Variants in KIF21A observed in about 807,000 individuals in gnomAD.
KIF21A encodes kinesin family member 21A.
Under a neutral mutation model 202.9 loss-of-function variants are expected in KIF21A, and 114 were observed. The observed-to-expected ratio is 0.56, with a 90% CI of 0.48 to 0.66. KIF21A has a LOEUF of 0.66. KIF21A is among the 30% of genes least tolerant of loss of function. The probability of loss-of-function intolerance (pLI) is 0.00; values close to 1 mark genes in which losing one functional copy is unlikely to be tolerated. For synonymous variants in KIF21A, 667 were observed against 670.8 expected (o/e 0.99, Z 0.09); for missense variants, 1,677 against 1,994.9 (o/e 0.84, Z 3.04).
intron 32 of KIF21A, among the ~76,000 whole-genome samples, chr12:39,310,975 A>T (rs1943970228): frequency 6.6e-6 from 1 of 152,074 alleles, no homozygotes; most frequent in Non-Finnish European, 1.5e-5. Flanking sequence ...TGAGGATGCA[A>T]CATGTATCTC....
intron 1 of KIF21A, among the ~76,000 whole-genome samples, chr12:39,380,436 G>C (rs1206935574): frequency 6.6e-6 from 1 of 152,146 alleles, no homozygotes; most frequent in Non-Finnish European, 1.5e-5. Flanking sequence ...AATAGATTTT[G>C]GTTGTTAAAT....
In KIF21A at chr12:39,416,713, GTGTATATATGTACATATATATGTGTA is replaced by G. The variant is rs1566267565; in HGVS notation, c.44+26188_44+26213del. ...TATATATATATGTACATATATATGTGTGTATATATGTACATATATATGTGTATATATATATGTACATATATATGTGT... is the reference window on the plus strand; with the variant it reads ...TATATATATATGTACATATATATGTGTATATATATGTACATATATATGTGT... On this transcript the variant is annotated intron_variant, in intron 1 of 37. Coordinates refer to ENST00000361418, the MANE Select transcript of KIF21A (RefSeq NM_001173464.2). Among the ~76,000 whole-genome samples, 49 of 73,566 alleles carry G rather than the reference GTGTATATATGTACATATATATGTGTA, an allele frequency of 6.7e-4. 3 individuals carry two copies. Among genetic ancestry groups the G allele is most frequent in the African/African-American group, 4.0e-3 (40 of 9,892 alleles). The allele number at this position is 73,566 out of a possible 152,430, so 48.3% of individuals were successfully genotyped here. A position where few individuals can be genotyped will look rare whatever the true frequency, so the allele number is the denominator to read the frequency against.
At chr12:39,421,715 T>TAA (rs1566302177) in intron 1 of KIF21A, among the ~76,000 whole-genome samples, 13 of 123,222 alleles carry the variant, frequency 1.1e-4, no homozygotes, top group African/African-American at 4.3e-4. Flanking sequence ...TAAATAAATA[T>TAA]ATATAATTTA....
chr12:39,396,370 G>T (rs1379644897), intron 1 of KIF21A, among the ~76,000 whole-genome samples: 1 of 152,108 alleles, frequency 6.6e-6, no homozygotes, highest in Admixed American at 6.5e-5. Flanking sequence ...AGATCCCTAA[G>T]GTCCCCAAGG....
chr12:39,360,393 A>AC (rs577660960), intron 7 of KIF21A, among the ~76,000 whole-genome samples: 2 of 145,230 alleles, frequency 1.4e-5, no homozygotes, highest in East Asian at 4.0e-4. Flanking sequence ...TAGAAATATG[A>AC]TTTTTTTTTT....
chr12:39,374,034 C>G (rs1950120746), intron 1 of KIF21A, among the ~76,000 whole-genome samples: 4 of 152,146 alleles, frequency 2.6e-5, no homozygotes, highest in Admixed American at 2.6e-4. Flanking sequence ...TGGAAGCTGA[C>G]TATACTTCAA....
rs1269682042 is a variant in KIF21A at position 39,387,153 on chromosome 12, G to C, written c.45-16892C>G. Among the ~76,000 whole-genome samples the C allele has an allele frequency of 3.7e-5, 5 of 134,048 alleles. No individual in the cohort carries two copies. The Admixed American group carries it at 4.0e-4, about 11-fold the overall frequency. 87.9% of individuals were successfully genotyped at this position (134,048 alleles called of 152,430 possible). On this transcript the variant is annotated intron_variant, in intron 1 of 37. Transcript: ENST00000361418. ...AAACTCAATGAGTTTTTGAAAGCATGCAGTAGTTACACACACACACACACA... is the reference window on the plus strand; with the variant it reads ...AAACTCAATGAGTTTTTGAAAGCATCCAGTAGTTACACACACACACACACA...
chr12:39,389,558 A>C (rs1240000888), intron 1 of KIF21A, among the ~76,000 whole-genome samples: 1 of 152,156 alleles, frequency 6.6e-6, no homozygotes, highest in Non-Finnish European at 1.5e-5. Context: ...ATACCCAAAA[A>C]CCAAATCAAA....
At chr12:39,311,781 CAA>C in intron 31 of KIF21A, 1 of 531,798 alleles carries the variant, frequency 1.9e-6, no homozygotes. Context: ...CTGCAAAGAG[CAA>C]AGACTATAAT....
chr12:39,399,271 G>A (rs1005367765), intron 1 of KIF21A, among the ~76,000 whole-genome samples: 1 of 152,182 alleles, frequency 6.6e-6, no homozygotes, highest in African/African-American at 2.4e-5. Context: ...ATGATTTAAA[G>A]TATATGTGAG....
intron 24 of KIF21A, 106 bp downstream of exon 24, chr12:39,330,136 T>A: frequency 9.3e-7 from 1 of 1,069,610 alleles, no homozygotes; most frequent in Non-Finnish European, 1.4e-6. Flanking sequence ...AAAAACCACT[T>A]GACCGCCAAT....
intron 6 of KIF21A, among the ~76,000 whole-genome samples, chr12:39,365,253 T>A (rs960689163): frequency 6.6e-6 from 1 of 152,246 alleles, no homozygotes; most frequent in African/African-American, 2.4e-5. Flanking sequence ...CAGTCTTCCA[T>A]TTAGCTGGCT....
chr12:39,330,495 T>C (rs1946418052), intron 23 of KIF21A, among the ~76,000 whole-genome samples: 1 of 152,222 alleles, frequency 6.6e-6, no homozygotes, highest in Admixed American at 6.5e-5. Flanking sequence ...TGATTGGTCT[T>C]CTTTGCCCAT....
intron 16 of KIF21A, among the ~76,000 whole-genome samples, chr12:39,339,760 G>C (rs929437481): frequency 6.6e-6 from 1 of 151,506 alleles, no homozygotes; most frequent in Non-Finnish European, 1.5e-5. Context: ...TTGGAGAATG[G>C]GGAATATGAT....
chr12:39,371,679 C>A (rs1206524836), intron 1 of KIF21A, among the ~76,000 whole-genome samples: 2 of 152,096 alleles, frequency 1.3e-5, no homozygotes, highest in African/African-American at 4.8e-5. Flanking sequence ...CAGTAACACG[C>A]CTGTAATCCC....
chr12:39,351,853 C>A lies in KIF21A; in HGVS notation c.1597G>T (p.Glu533Ter), dbSNP rs867354889. The change falls in exon 11 of 38, where the codon GAA (glutamate) becomes TAA (stop). Residue 533 changes from glutamate (E) to a stop codon, truncating the protein, a stop_gained. Coordinates refer to ENST00000361418, the MANE Select transcript of KIF21A (RefSeq NM_001173464.2). LOFTEE classifies it high-confidence loss of function. Reference protein sequence around the residue: ...FSPTILSSDKETIEIIDLAKK... With the variant: ...FSPTILSSDK ...GCTAGGTCTATAATTTCAATGGTTTCTTTGTCTGAGGATAGTATGGTAGGA... is the reference window on the plus strand; with the variant it reads ...GCTAGGTCTATAATTTCAATGGTTTATTTGTCTGAGGATAGTATGGTAGGA... The A allele has an allele frequency of 6.2e-7, 1 of 1,608,356 alleles. No individual in the cohort carries two copies.
At chr12:39,297,726 T>C (rs928913751) in intron 37 of KIF21A, among the ~76,000 whole-genome samples, 3 of 149,904 alleles carry the variant, frequency 2.0e-5, no homozygotes, top group Non-Finnish European at 4.4e-5. Context: ...CCCTAAAACT[T>C]AAATTAAAAA....
At chr12:39,419,920 T>C (rs982945325) in intron 1 of KIF21A, among the ~76,000 whole-genome samples, 3 of 151,892 alleles carry the variant, frequency 2.0e-5, no homozygotes, top group African/African-American at 7.3e-5. Flanking sequence ...AGTATGTCCA[T>C]CTCATAGAAG....
chr12:39,390,699 AT>A (rs1566114219), intron 1 of KIF21A, among the ~76,000 whole-genome samples: 3 of 151,950 alleles, frequency 2.0e-5, no homozygotes, highest in East Asian at 1.9e-4. Flanking sequence ...AAGGAAAAAA[AT>A]ATATATATAT....
Sources: gnomAD v4.1 joint callset for allele counts (sites outside exome capture counted in the v4.1 genomes callset) on GRCh38, gnomAD v4.1.1 for gene constraint, MANE v1.5 for transcripts, NCBI Gene and HGNC (gene_info 2026-07-23, HGNC 2026-07-21) for gene names.